ACOXL: variants seen among roughly 807,000 people sequenced by gnomAD.
The protein encoded by ACOXL is acyl-CoA oxidase like, also known as acyl-coenzyme A oxidase-like protein.
A neutral mutation model predicts 71.9 loss-of-function variants in ACOXL; 70 were observed. That is an observed-to-expected ratio of 0.97 (90% CI 0.80 to 1.19). ACOXL has a LOEUF of 1.19. Among genes scored for constraint, ACOXL ranks in the 50% most tolerant of loss-of-function variants. The probability of loss-of-function intolerance (pLI) is 0.00; values close to 1 mark genes in which losing one functional copy is unlikely to be tolerated. For synonymous variants in ACOXL, 253 were observed against 281.6 expected, an observed-to-expected ratio of 0.90 and a Z score of 1.02; for missense variants, 703 against 736.3, an observed-to-expected ratio of 0.95 and a Z score of 0.52.
chr2:111,069,746 C>T (rs775801374), intron 16 of ACOXL, among the ~76,000 whole-genome samples: 5 of 152,090 alleles, frequency 3.3e-5, no homozygotes, highest in Admixed American at 1.3e-4. Context: ...AGAGCCTGGC[C>T]ATATGCTCCT....
At chr2:111,114,189 G>A (rs1217185196) in intron 17 of ACOXL, 1 of 152,708 alleles carries the variant, frequency 6.5e-6, no homozygotes. Flanking sequence ...GGACTAGGAT[G>A]TCCAAGATGG....
intron 14 of ACOXL, among the ~76,000 whole-genome samples, chr2:111,007,495 T>C (rs2063932134): frequency 6.6e-6 from 1 of 152,216 alleles, no homozygotes; most frequent in Non-Finnish European, 1.5e-5. Flanking sequence ...AATCCAATAT[T>C]ATGATTTATT....
At chr2:111,069,774 G>A (rs954631794) in intron 16 of ACOXL, among the ~76,000 whole-genome samples, 2 of 152,128 alleles carry the variant, frequency 1.3e-5, no homozygotes, top group Admixed American at 6.5e-5. Flanking sequence ...TCACCTCTCT[G>A]CATGCAGAAG....
At chr2:110,850,148 C>T (rs1052066283) in intron 10 of ACOXL, among the ~76,000 whole-genome samples, 16 of 152,290 alleles carry the variant, frequency 1.1e-4, no homozygotes, top group African/African-American at 3.4e-4. Flanking sequence ...AAGCCTAAAA[C>T]CGTAAACCTT....
intron 11 of ACOXL, among the ~76,000 whole-genome samples, chr2:110,921,472 C>A (rs1316751847): frequency 7.1e-6 from 1 of 140,002 alleles, no homozygotes; most frequent in East Asian, 2.3e-4. Flanking sequence ...AGCTCACTTG[C>A]AAGCTCCACT....
intron 16 of ACOXL, among the ~76,000 whole-genome samples, chr2:111,072,102 C>T (rs943798731): frequency 6.6e-6 from 1 of 152,104 alleles, no homozygotes; most frequent in Admixed American, 6.5e-5. Flanking sequence ...AGAATGCAGC[C>T]GTTTCAGCCT....
At chr2:111,080,651 C>T (rs1473538696) in intron 16 of ACOXL, among the ~76,000 whole-genome samples, 7 of 152,136 alleles carry the variant, frequency 4.6e-5, no homozygotes, top group African/African-American at 1.4e-4. Flanking sequence ...AAAAGAGGGA[C>T]TCTCCCTAAC....
At chr2:111,009,524 A>G (rs891375702) in intron 14 of ACOXL, among the ~76,000 whole-genome samples, 4 of 151,792 alleles carry the variant, frequency 2.6e-5, no homozygotes, top group Admixed American at 6.6e-5. Flanking sequence ...AAAAAAAAAA[A>G]AAAAGAAAAG....
At chr2:110,993,916 AAT>A (rs1254968467) in intron 13 of ACOXL, among the ~76,000 whole-genome samples, 2 of 152,252 alleles carry the variant, frequency 1.3e-5, no homozygotes, top group African/African-American at 4.8e-5. Flanking sequence ...TTTATTTAAA[AAT>A]AGAGTCATTT....
At chr2:110,919,557 A>C (rs1400986660) in intron 11 of ACOXL, among the ~76,000 whole-genome samples, 6 of 150,460 alleles carry the variant, frequency 4.0e-5, no homozygotes, top group Non-Finnish European at 7.4e-5. Context: ...AAACTATAAT[A>C]GTAAAAAAAT....
At chr2:110,985,285 C>T (rs1327674319) in intron 12 of ACOXL, among the ~76,000 whole-genome samples, 1 of 152,150 alleles carries the variant, frequency 6.6e-6, no homozygotes, top group Admixed American at 6.6e-5. Context: ...TAAAAATGTA[C>T]ATGTTCTTTG....
At chr2:110,784,450 AGTCGGTCGC>A (rs1683704162) in intron 2 of ACOXL, among the ~76,000 whole-genome samples, 1 of 152,206 alleles carries the variant, frequency 6.6e-6, no homozygotes, top group African/African-American at 2.4e-5. Flanking sequence ...GCACGAGGCG[AGTCGGTCGC>A]AGGGTTGCAG....
intron 1 of ACOXL, among the ~76,000 whole-genome samples, chr2:110,749,793 T>C (rs1430004304): frequency 6.6e-6 from 1 of 152,186 alleles, no homozygotes; most frequent in African/African-American, 2.4e-5. Context: ...TTCCCACTGG[T>C]GGTCGATTTC....
chr2:111,090,078 T>C (rs765542174), intron 16 of ACOXL, among the ~76,000 whole-genome samples: 10 of 152,170 alleles, frequency 6.6e-5, no homozygotes, highest in Non-Finnish European at 1.3e-4. Context: ...CTGGAAGCTT[T>C]CATAGACTGC....
Position 110,800,039 on chromosome 2 carries a change from T to C in ACOXL, c.547+939T>C, listed in dbSNP as rs1026401207. Reference sequence around the variant, plus strand: ...ACTCTGATAGGACAGAAACGGAACATGGGAGGGGACAAATAAGCAAAGAAA... The same window carrying C: ...ACTCTGATAGGACAGAAACGGAACACGGGAGGGGACAAATAAGCAAAGAAA... On this transcript the variant is annotated intron_variant, in intron 7 of 17. Coordinates refer to ENST00000439055, the MANE Select transcript of ACOXL (RefSeq NM_001142807.4). 2.0e-5 allele frequency among the ~76,000 whole-genome samples: 3 copies of C among 152,130 alleles called. No homozygotes were observed. In the East Asian group the frequency reaches 5.8e-4, roughly 29 times the overall value.
At chr2:111,015,494 C>T (rs866032875) in intron 14 of ACOXL, among the ~76,000 whole-genome samples, 13 of 152,058 alleles carry the variant, frequency 8.5e-5, no homozygotes, top group Non-Finnish European at 1.5e-4. Context: ...ACAAAGCAAC[C>T]AAAGCTCTCA....
intron 9 of ACOXL, among the ~76,000 whole-genome samples, chr2:110,829,342 G>T (rs1689547410): frequency 6.6e-6 from 1 of 152,172 alleles, no homozygotes; most frequent in African/African-American, 2.4e-5. Flanking sequence ...GGTCAGCACT[G>T]GTCTCCTGCC....
At chr2:111,041,913 C>G (rs1000856896) in intron 15 of ACOXL, among the ~76,000 whole-genome samples, 1 of 152,250 alleles carries the variant, frequency 6.6e-6, no homozygotes, top group African/African-American at 2.4e-5. Flanking sequence ...GTTCCCTTAG[C>G]AACCAGCAGA....
At chr2:110,819,275 T>C (rs1688329241) in intron 9 of ACOXL, among the ~76,000 whole-genome samples, 1 of 152,172 alleles carries the variant, frequency 6.6e-6, no homozygotes, top group Admixed American at 6.5e-5. Context: ...TTTATTCTGT[T>C]GGCAATAGGG....
Sources: gnomAD v4.1 joint callset for allele counts (sites outside exome capture counted in the v4.1 genomes callset) on GRCh38, gnomAD v4.1.1 for gene constraint, MANE v1.5 for transcripts, NCBI Gene and HGNC (gene_info 2026-07-23, HGNC 2026-07-21) for gene names.